The following CNKSR3 variants were observed in gnomAD, a reference collection of about 807,000 sequenced individuals.
CNKSR3 encodes CNKSR family member 3.
A neutral mutation model predicts 67.7 loss-of-function variants in CNKSR3; 36 were observed. The observed-to-expected ratio is 0.53, with a 90% CI of 0.41 to 0.70. The LOEUF is 0.70. CNKSR3 is among the 30% of genes least tolerant of loss of function. CNKSR3 has a pLI of 0.00. For synonymous variants in CNKSR3, 281 were observed against 271.4 expected, an observed-to-expected ratio of 1.04 and a Z score of -0.35; for missense variants, 630 against 695.2, an observed-to-expected ratio of 0.91 and a Z score of 1.05.
chr6:154,395,597 T>G lies in CNKSR3; in HGVS notation c.*10757A>C, dbSNP rs1453649012. 6.6e-6 allele frequency: 1 copy of G among 152,230 alleles called. No homozygotes were observed. The highest frequency in any genetic ancestry group is 1.5e-5 in the Non-Finnish European group (1 of 68,038). 9.4% of individuals were successfully genotyped at this position (152,230 alleles called of 1,614,324 possible). On this transcript the variant is annotated 3_prime_UTR_variant, in exon 13 of 13. Coordinates refer to ENST00000607772, the MANE Select transcript of CNKSR3 (RefSeq NM_173515.4). The stretch of plus-strand genomic sequence containing the variant: ...GACATTACTTGAAAACTCAACTTTC[T>G]TGTTCTCAGACTTTTATTAATGCAG...
rs2128708704 is a variant in CNKSR3 at position 154,397,045 on chromosome 6, A to T, written c.*9309T>A. 6.6e-6 allele frequency: 1 copy of T among 151,918 alleles called. No individual in the cohort carries two copies. The highest frequency in any genetic ancestry group is 1.5e-5 in the Non-Finnish European group (1 of 67,962). 9.4% of individuals were successfully genotyped at this position (151,918 alleles called of 1,614,324 possible). A position where few individuals can be genotyped will look rare whatever the true frequency, so the allele number is the denominator to read the frequency against. Reference sequence around the variant, plus strand: ...ATGGTCTCGATCTCCTGACCTTGTGATCCACCTGCCTCAGCCTCCCAAAGT... The same window carrying T: ...ATGGTCTCGATCTCCTGACCTTGTGTTCCACCTGCCTCAGCCTCCCAAAGT... On this transcript the variant is annotated 3_prime_UTR_variant, in exon 13 of 13. Coordinates refer to ENST00000607772, the MANE Select transcript of CNKSR3 (RefSeq NM_173515.4).
intron 9 of CNKSR3, among the ~76,000 whole-genome samples, chr6:154,419,785 A>G (rs546100743): frequency 2.0e-5 from 3 of 152,286 alleles, no homozygotes; most frequent in Non-Finnish European, 4.4e-5. Flanking sequence ...CCTTAAAAAA[A>G]GAAGGAAATG....
intron 1 of CNKSR3, among the ~76,000 whole-genome samples, chr6:154,497,221 C>T (rs1173353000): frequency 6.7e-6 from 1 of 149,924 alleles, no homozygotes; most frequent in South Asian, 2.1e-4. Flanking sequence ...CTCGTTTCTA[C>T]TAAAGTTCAA....
intron 9 of CNKSR3, among the ~76,000 whole-genome samples, chr6:154,418,167 G>A (rs982990630): frequency 3.3e-5 from 5 of 152,164 alleles, no homozygotes; most frequent in African/African-American, 4.8e-5. Context: ...TGCCTCGCCC[G>A]AGCAGGGCCA....
At chr6:154,441,242 C>CAAAAAAAAAAAAAAA (rs34887626) in intron 4 of CNKSR3, 50 bp downstream of exon 4, 6 of 847,470 alleles carry the variant, frequency 7.1e-6, no homozygotes, top group Admixed American at 2.7e-5. Flanking sequence ...AGAGGAAAAG[C>CAAAAAAAAAAAAAAA]AAAAAAAAAA....
chr6:154,454,104 C>CACACACAGAG (rs1268729108), intron 1 of CNKSR3, among the ~76,000 whole-genome samples: 1 of 116,290 alleles, frequency 8.6e-6, no homozygotes, highest in African/African-American at 3.4e-5. Context: ...CACACACACA[C>CACACACAGAG]AGAGAGAGAG....
chr6:154,447,571 C>G (rs551822885), intron 2 of CNKSR3, among the ~76,000 whole-genome samples: 2 of 152,298 alleles, frequency 1.3e-5, no homozygotes, highest in African/African-American at 4.8e-5. Context: ...TAACCATGAC[C>G]AGCTAATTTG....
intron 1 of CNKSR3, among the ~76,000 whole-genome samples, chr6:154,460,331 G>GATA (rs1215826813): frequency 6.6e-6 from 1 of 152,176 alleles, no homozygotes; most frequent in Non-Finnish European, 1.5e-5. Context: ...GAGCTTGAAA[G>GATA]ATAATACTGA....
rs1477100522 is a variant in CNKSR3, at chr6:154,402,518, A to G, written c.*3836T>C. On this transcript the variant is annotated 3_prime_UTR_variant, in exon 13 of 13. Transcript: ENST00000607772. ...AGAAAGCCAGAGCCAGGCTGCTTTC[A>G]TTTTAATCCCAGCTCTGCCATTATT... 4 of 152,230 alleles carry G rather than the reference A, an allele frequency of 2.6e-5. No homozygotes were observed. The highest frequency in any genetic ancestry group is 5.9e-5 in the Non-Finnish European group (4 of 68,038). The allele number at this position is 152,230 out of a possible 1,614,324, so 9.4% of individuals were successfully genotyped here.
Position 154,455,674 on chromosome 6 carries a change from G to A in CNKSR3, c.53-5416C>T, listed in dbSNP as rs151255818. Among the ~76,000 whole-genome samples the A allele has an allele frequency of 1.3e-3, 205 of 152,060 alleles. 1 individual carries two copies. The highest frequency in any genetic ancestry group is 4.8e-3 in the African/African-American group (199 of 41,492). On this transcript the variant is annotated intron_variant, in intron 1 of 12. Transcript: ENST00000607772. ...TGACCTCAAGCAATCCACCTGCCTC[G>A]ACCTCCCAAAGTGCCAGGATTATAG...
chr6:154,396,966 AT>A lies in CNKSR3; in HGVS notation c.*9387del, dbSNP rs66568757. The A allele has an allele frequency of 0.62, 91,204 of 147,866 alleles. 28,842 individuals are homozygous for A. The highest frequency in any genetic ancestry group is 0.88 in the East Asian group (4,463 of 5,056). The allele number at this position is 147,866 out of a possible 1,614,324, so 9.2% of individuals were successfully genotyped here. A position where few individuals can be genotyped will look rare whatever the true frequency, so the allele number is the denominator to read the frequency against. ...AGGCGCCCGCCACCACGCCCGGCTA[AT>A]TTTTTTTTTTTTATATTTTTAGTAG... is the stretch of plus-strand genomic sequence containing the variant. On this transcript the variant is annotated 3_prime_UTR_variant, in exon 13 of 13. Transcript: ENST00000607772.
intron 1 of CNKSR3, among the ~76,000 whole-genome samples, chr6:154,482,695 G>A (rs1011649501): frequency 6.6e-6 from 1 of 152,172 alleles, no homozygotes; most frequent in Non-Finnish European, 1.5e-5. Flanking sequence ...CCCCAACTCT[G>A]GGAAAGGAGA....
rs1178475010 is a variant in CNKSR3 at position 154,414,360 on chromosome 6, CCTT to C, written c.1006_1008del (p.Lys336del). The C allele has an allele frequency of 2.5e-6, 4 of 1,612,166 alleles. No homozygotes were observed. Among genetic ancestry groups the C allele is most frequent in the Middle Eastern group, 1.7e-4 (1 of 6,048 alleles). ...TAAAGATCCAGGATGGCTGACTTCT[CCTT>C]CTTCAGTGAGGTATCCATAGTGCTT... is the stretch of plus-strand genomic sequence containing the variant. On this transcript the variant is annotated inframe_deletion, in exon 10 of 13. Coordinates refer to ENST00000607772, the MANE Select transcript of CNKSR3 (RefSeq NM_173515.4).
chr6:154,466,542 T>C (rs1786202956), intron 1 of CNKSR3, among the ~76,000 whole-genome samples: 1 of 151,018 alleles, frequency 6.6e-6, no homozygotes, highest in Non-Finnish European at 1.5e-5. Context: ...GAAAACATGT[T>C]GGGGATGGGG....
At chr6:154,453,480 C>T (rs1367316487) in intron 1 of CNKSR3, among the ~76,000 whole-genome samples, 1 of 152,088 alleles carries the variant, frequency 6.6e-6, no homozygotes, top group Non-Finnish European at 1.5e-5. Context: ...GCATTGTAAC[C>T]TCAAATAATC....
intron 9 of CNKSR3, among the ~76,000 whole-genome samples, chr6:154,421,404 A>T (rs1455170659): frequency 6.6e-6 from 1 of 152,234 alleles, no homozygotes; most frequent in Non-Finnish European, 1.5e-5. Flanking sequence ...ATGGTTTAAG[A>T]CTACTGTTCT....
chr6:154,500,591 A>G (rs1786976545), intron 1 of CNKSR3, among the ~76,000 whole-genome samples: 1 of 152,162 alleles, frequency 6.6e-6, no homozygotes, highest in African/African-American at 2.4e-5. Context: ...GAGAAGTGAT[A>G]TATTATGTGT....
Position 154,403,600 on chromosome 6 carries a change from A to C in CNKSR3, c.*2754T>G, listed in dbSNP as rs1286071626. ...TGTATGTCCATAGTAGAGGTTTACA[A>C]AGGTTTTTTTTTTTTAGCAGCAATA... On this transcript the variant is annotated 3_prime_UTR_variant, in exon 13 of 13. Coordinates refer to ENST00000607772, the MANE Select transcript of CNKSR3 (RefSeq NM_173515.4). 1 of 151,882 alleles carries C rather than the reference A, an allele frequency of 6.6e-6. No homozygotes were observed. The highest frequency in any genetic ancestry group is 1.5e-5 in the Non-Finnish European group (1 of 68,012). The allele number at this position is 151,882 out of a possible 1,614,324, so 9.4% of individuals were successfully genotyped here.
intron 10 of CNKSR3, among the ~76,000 whole-genome samples, chr6:154,412,758 CA>C (rs1318089498): frequency 1.3e-5 from 2 of 152,126 alleles, no homozygotes; most frequent in East Asian, 1.9e-4. Context: ...TGAAAACCAA[CA>C]AACAAAAAAT....
Sources: gnomAD v4.1 joint callset for allele counts (sites outside exome capture counted in the v4.1 genomes callset) on GRCh38, gnomAD v4.1.1 for gene constraint, MANE v1.5 for transcripts, NCBI Gene and HGNC (gene_info 2026-07-23, HGNC 2026-07-21) for gene names.